Variants in GRHL3 observed in about 807,000 individuals in gnomAD.
The protein encoded by GRHL3 is grainyhead-like protein 3 homolog.
Under a neutral mutation model 70.3 loss-of-function variants are expected in GRHL3, and 20 were observed. That is an observed-to-expected ratio of 0.28 (90% confidence interval 0.20 to 0.41). The LOEUF is 0.41. Ranked by LOEUF, GRHL3 falls within the 10% of genes least tolerant of loss-of-function variation. GRHL3 has a pLI of 1.00. For missense variants in GRHL3, 637 were observed against 762.3 expected, an observed-to-expected ratio of 0.84 and a Z score of 1.94; for synonymous variants, 299 against 299.9, an observed-to-expected ratio of 1.00 and a Z score of 0.03.
At chr1:24,339,628 C>A in intron 7 of GRHL3, 40 bp from the exon 8 acceptor site, 2 of 1,477,832 alleles carry the variant, frequency 1.4e-6, no homozygotes, top group African/African-American at 1.4e-5. Flanking sequence ...TCCCAGATCC[C>A]TTCCTTCCTG....
chr1:24,341,604 T>G (rs1368288988), intron 8 of GRHL3, among the ~76,000 whole-genome samples: 1 of 152,130 alleles, frequency 6.6e-6, no homozygotes, highest in Non-Finnish European at 1.5e-5. Flanking sequence ...AAAGAACCTC[T>G]CACTAGAGGG....
intron 1 of GRHL3, among the ~76,000 whole-genome samples, chr1:24,327,908 C>T (rs16829438): frequency 0.022 from 3,386 of 152,292 alleles, 121 homozygotes; most frequent in African/African-American, 0.077. Flanking sequence ...GGATTCAACA[C>T]ACAAGTCAAT....
At chr1:24,351,335 G>T (rs12024148) in intron 15 of GRHL3, among the ~76,000 whole-genome samples, 5 of 151,874 alleles carry the variant, frequency 3.3e-5, no homozygotes, top group East Asian at 1.9e-4. Flanking sequence ...CCTCCTCCTT[G>T]GTTCCTTCCT....
At chr1:24,351,408 GTTT>G (rs11446442) in intron 15 of GRHL3, among the ~76,000 whole-genome samples, 5 of 151,334 alleles carry the variant, frequency 3.3e-5, no homozygotes, top group African/African-American at 1.2e-4. Context: ...TGGGAAGGGG[GTTT>G]TTTTTGGTTT....
Position 24,334,334 on chromosome 1 carries a change from C to A in GRHL3, c.205-311C>A, listed in dbSNP as rs1639716757. On this transcript the variant is annotated intron_variant, in intron 2 of 15. Transcript: ENST00000361548. The surrounding 1 kb of genome is among the most constrained non-coding windows in gnomAD (Gnocchi z 4.3). Reference sequence around the variant, plus strand: ...TGGAGGAAGGGGAAGCAAACACATCCTTCTTCACATGGCGGCAGCAAGGAA... The same window carrying A: ...TGGAGGAAGGGGAAGCAAACACATCATTCTTCACATGGCGGCAGCAAGGAA... Among the ~76,000 whole-genome samples, 2 of 152,172 alleles carry A rather than the reference C, an allele frequency of 1.3e-5. No individual in the cohort carries two copies. The highest frequency in any genetic ancestry group is 4.8e-5 in the African/African-American group (2 of 41,424).
chr1:24,333,898 AT>A (rs1336309842), intron 2 of GRHL3, among the ~76,000 whole-genome samples: 1 of 152,178 alleles, frequency 6.6e-6, no homozygotes, highest in Admixed American at 6.5e-5. Context: ...AAAAGGGAGT[AT>A]TTTTTATTAA....
chr1:24,339,644 C>T (rs1553172870), intron 7 of GRHL3, 24 bp from the exon 8 acceptor site: 1 of 1,559,340 alleles, frequency 6.4e-7, no homozygotes, highest in Non-Finnish European at 8.8e-7. Context: ...TCCTGATTCT[C>T]CTTCTGGTCT....
intron 14 of GRHL3, among the ~76,000 whole-genome samples, chr1:24,349,439 C>A (rs572011906): frequency 1.3e-5 from 2 of 152,218 alleles, no homozygotes; most frequent in Non-Finnish European, 2.9e-5. Context: ...CCCAGCAGGG[C>A]AAGCAGCATC....
rs540966232 is a variant in GRHL3, at chr1:24,348,464, G to A, written c.1629+911G>A. Among the ~76,000 whole-genome samples the A allele has an allele frequency of 2.0e-5, 3 of 152,222 alleles. No homozygotes were observed. In the East Asian group the frequency reaches 5.8e-4, roughly 29 times the overall value. On this transcript the variant is annotated intron_variant, in intron 14 of 15. Transcript: ENST00000361548. ...TCTTTACGCACCGTCAGCCCTGCTC[G>A]GCATCAGCCCCAGGAAGCTGGGCTC... is the stretch of plus-strand genomic sequence containing the variant.
In GRHL3 at chr1:24,336,486, T is replaced by C. The variant is rs1217826782; in HGVS notation, c.271T>C (p.Tyr91His). Residue 91 changes from tyrosine (Y) to histidine (H), a missense_variant, in exon 4 of 16, where the codon TAC becomes CAC. Transcript: ENST00000361548. The stretch of plus-strand genomic sequence containing the variant: ...GCCCCTTTTCTTTCTCCCCAGGTAC[T>C]ACCATGGCATGGAATATGAGACGGA... ...GGRNDQGKRYYHGMEYETDLT... is the reference protein window; with the variant it reads ...GGRNDQGKRYHHGMEYETDLT... The C allele has an allele frequency of 1.3e-6, 2 of 1,569,242 alleles. No individual in the cohort carries two copies. The highest frequency in any genetic ancestry group is 1.7e-6 in the Non-Finnish European group (2 of 1,153,550).
downstream of GRHL3, chr1:24,357,834 G>A: frequency 3.4e-6 from 1 of 298,014 alleles, no homozygotes; most frequent in South Asian, 3.4e-5. Flanking sequence ...TGTAAGCCTT[G>A]AGAAAATTCA....
chr1:24,358,729 C>G (rs1266170724), downstream of GRHL3: 5 of 735,256 alleles, frequency 6.8e-6, no homozygotes, highest in East Asian at 1.3e-4. Context: ...GTGCCAGCCC[C>G]TGTATCTTAC....
At chr1:24,328,802 A>G (rs1209420619) in intron 1 of GRHL3, among the ~76,000 whole-genome samples, 2 of 152,210 alleles carry the variant, frequency 1.3e-5, no homozygotes, top group Non-Finnish European at 2.9e-5. Context: ...TCTTGTGCTG[A>G]TGCGTTATCC....
Position 24,319,438 on chromosome 1 carries a change from C to G in GRHL3, c.-114C>G, listed in dbSNP as rs1639094155. The G allele has an allele frequency of 1.7e-6, 2 of 1,189,424 alleles. No individual in the cohort carries two copies. Among genetic ancestry groups the G allele is most frequent in the Non-Finnish European group, 2.5e-6 (2 of 797,214 alleles). The allele number at this position is 1,189,424 out of a possible 1,614,324, so 73.7% of individuals were successfully genotyped here. ...TGTCAGCAAAATCTCGACACCCAAA[C>G]CTCAACATAAATCAAACACTTTCCC... is the stretch of plus-strand genomic sequence containing the variant. On this transcript the variant is annotated 5_prime_UTR_variant, in exon 1 of 16. Transcript: ENST00000361548.
intron 12 of GRHL3, among the ~76,000 whole-genome samples, chr1:24,345,995 T>C (rs1157349891): frequency 2.0e-5 from 3 of 152,070 alleles, no homozygotes; most frequent in Admixed American, 1.3e-4. Context: ...GCAAGCAGGG[T>C]TATTGCCTTG....
At chr1:24,363,085 G>A (rs922086555) in intron 15 of GRHL3, among the ~76,000 whole-genome samples, 2 of 152,112 alleles carry the variant, frequency 1.3e-5, no homozygotes, top group Non-Finnish European at 2.9e-5. Context: ...ATTATATGAG[G>A]TCACCCCATC....
chr1:24,351,637 A>C (rs1569925589), intron 15 of GRHL3, among the ~76,000 whole-genome samples: 1 of 81,532 alleles, frequency 1.2e-5, no homozygotes, highest in East Asian at 3.9e-4. Flanking sequence ...TACCAATCCC[A>C]CTCCAGGCCA....
At chr1:24,333,095 T>C (rs1043581375) in intron 2 of GRHL3, among the ~76,000 whole-genome samples, 1 of 152,226 alleles carries the variant, frequency 6.6e-6, no homozygotes, top group African/African-American at 2.4e-5. Flanking sequence ...AAGAAGCCAT[T>C]CCAGGGCCAG....
chr1:24,346,517 A>C (rs202184397), intron 12 of GRHL3, 36 bp from the exon 13 acceptor site: 1 of 1,521,090 alleles, frequency 6.6e-7, no homozygotes, highest in African/African-American at 1.4e-5. Flanking sequence ...GGGGTCCCCA[A>C]GTTTCTCACA....
Sources: allele counts gnomAD v4.1 joint callset (sites outside exome capture counted in the v4.1 genomes callset), GRCh38; gene constraint gnomAD v4.1.1; non-coding constraint Gnocchi (gnomAD v3.1); transcripts MANE v1.5; gene names NCBI Gene and HGNC (gene_info 2026-07-23, HGNC 2026-07-21).